The following PHF19 variants were observed in gnomAD, a reference collection of about 807,000 sequenced individuals.
PHF19 encodes polycomb like 3.
PHF19 carries 21 observed loss-of-function variants against 79.8 expected under a neutral mutation model. The observed-to-expected ratio is 0.26, with a 90% CI of 0.19 to 0.38. The LOEUF is 0.38. Among genes scored for constraint, PHF19 ranks in the 10% least tolerant of loss-of-function variants. The probability of loss-of-function intolerance (pLI) is 1.00; values close to 1 mark genes in which losing one functional copy is unlikely to be tolerated. For synonymous variants in PHF19, 273 were observed against 296.3 expected (o/e 0.92, Z 0.81); for missense variants, 445 against 744.2 (o/e 0.60, Z 4.68).
At chr9:120,881,910 C>T (rs2046191699), upstream of PHF19, among the ~76,000 whole-genome samples, 1 of 152,140 alleles carries the variant, frequency 6.6e-6, no homozygotes, top group East Asian at 1.9e-4. Flanking sequence ...TCCAGGTGCA[C>T]GCTATCACGC....
At chr9:120,873,627 C>G (rs747581510) in intron 3 of PHF19, among the ~76,000 whole-genome samples, 8 of 152,264 alleles carry the variant, frequency 5.3e-5, no homozygotes, top group Non-Finnish European at 1.2e-4. Flanking sequence ...GCCCCCTTTT[C>G]TAGCCCAGAC....
chr9:120,868,161 T>A (rs1188369784), intron 6 of PHF19: 2 of 152,306 alleles, frequency 1.3e-5, no homozygotes, highest in African/African-American at 4.8e-5. Context: ...AGCCTCCATC[T>A]CCCAAGCTCA....
rs970099182 is a variant in PHF19, at chr9:120,866,001, T to C, written c.779+27A>G. On this transcript the variant is annotated intron_variant, in intron 8 of 14. Transcript: ENST00000373896. The surrounding 1 kb of genome is among the most constrained non-coding windows in gnomAD (Gnocchi z 5.2). ...GGGGAGAAGCTGGGAGGAGCAGCGG[T>C]GGTTGGACTAAGCCCCACCCTCTCA... 2.5e-6 allele frequency: 4 copies of C among 1,593,802 alleles called. No homozygotes were observed. In the African/African-American group the frequency reaches 5.4e-5, roughly 21 times the overall value.
chr9:120,879,769 G>A (rs1385177982), upstream of PHF19, among the ~76,000 whole-genome samples: 1 of 152,210 alleles, frequency 6.6e-6, no homozygotes, highest in African/African-American at 2.4e-5. Flanking sequence ...AAATAGGGAG[G>A]TGGGTGTGCC....
chr9:120,898,339 AC>A (rs2046418183), upstream of PHF19, among the ~76,000 whole-genome samples: 1 of 152,078 alleles, frequency 6.6e-6, no homozygotes, highest in Non-Finnish European at 1.5e-5. Flanking sequence ...CTGGTCTCGA[AC>A]TCCTGACCTC....
chr9:120,869,029 T>G lies in PHF19; in HGVS notation c.614+153A>C. ...GCGGCTGACACTCCAGGCCCGCCCC[T>G]CGAGGCCCCGCCCCCACAGCGCAAC... On this transcript the variant is annotated intron_variant, in intron 6 of 14. Coordinates refer to ENST00000373896, the MANE Select transcript of PHF19 (RefSeq NM_015651.3). This position sits in a 1 kb window ranked among gnomAD's most constrained non-coding sequence, Gnocchi z 5.8. 2 of 216,322 alleles carry G rather than the reference T, an allele frequency of 9.2e-6. No individual in the cohort carries two copies. The highest frequency in any genetic ancestry group is 5.5e-6 in the Non-Finnish European group (1 of 180,878). The allele number at this position is 216,322 out of a possible 1,614,324, so 13.4% of individuals were successfully genotyped here. A position where few individuals can be genotyped will look rare whatever the true frequency, so the allele number is the denominator to read the frequency against.
At chr9:120,888,136 A>T (rs1173496534) in intron 1 of PHF19, among the ~76,000 whole-genome samples, 1 of 152,088 alleles carries the variant, frequency 6.6e-6, no homozygotes, top group Non-Finnish European at 1.5e-5. Context: ...CCACTCCTGG[A>T]TAATTTTTGT....
At chr9:120,879,923 G>A (rs1013301205), upstream of PHF19, among the ~76,000 whole-genome samples, 1 of 151,908 alleles carries the variant, frequency 6.6e-6, no homozygotes, top group Admixed American at 6.6e-5. Context: ...TATTGGCCAC[G>A]TGAGAGACGC....
At position 120,861,943 on chromosome 9, in the gene PHF19, A is replaced by G; in HGVS notation, c.1193T>C (p.Phe398Ser). 1 of 1,612,952 alleles carries G rather than the reference A, an allele frequency of 6.2e-7. No individual in the cohort carries two copies. The highest frequency in any genetic ancestry group is 8.5e-7 in the Non-Finnish European group (1 of 1,178,914). ...RRVYRRKRSK[F>S]LLEDAIPSSD... ...ACTGGGAATAGCATCTTCCAGCAAA[A>G]ACTTTGATCTTTTTCTTCTATAAAC... Residue 398 changes from phenylalanine (F) to serine (S), a missense_variant, in exon 12 of 15, where the codon TTT becomes TCT. This residue lies in a region of PHF19 where 83 missense variants were observed against 85.5 expected (regional missense o/e 0.97). Transcript: ENST00000373896.
intron 1 of PHF19, among the ~76,000 whole-genome samples, chr9:120,885,951 TC>T (rs2046257005): frequency 6.6e-6 from 1 of 152,182 alleles, no homozygotes; most frequent in Admixed American, 6.5e-5. Context: ...TAATCTTCAC[TC>T]TTTTACAGCT....
At chr9:120,896,825 G>A (rs1170295587), upstream of PHF19, among the ~76,000 whole-genome samples, 1 of 152,200 alleles carries the variant, frequency 6.6e-6, no homozygotes, top group East Asian at 1.9e-4. Context: ...CTGAAATGAA[G>A]TTTCATCTAC....
At chr9:120,887,620 A>AC (rs1491330260) in intron 1 of PHF19, among the ~76,000 whole-genome samples, 1 of 112,134 alleles carries the variant, frequency 8.9e-6, no homozygotes, top group African/African-American at 3.7e-5. Flanking sequence ...GTTTATGAAC[A>AC]AACACACACA....
At chr9:120,875,439 T>TCCGG (rs2046019505) in intron 1 of PHF19, among the ~76,000 whole-genome samples, 1 of 152,160 alleles carries the variant, frequency 6.6e-6, no homozygotes, top group Non-Finnish European at 1.5e-5. Context: ...TCTCTCACCA[T>TCCGG]CCTATTCAAC....
chr9:120,870,403 T>C lies in PHF19; in HGVS notation c.364+40A>G, dbSNP rs201104719. ...TCAGGGGCCAGTGCGTGGGGACCTA[T>C]AGGTCGGGGCCTTCTCAGGGCCCTG... On this transcript the variant is annotated intron_variant, in intron 4 of 14. Transcript: ENST00000373896. This position sits in a 1 kb window ranked among gnomAD's most constrained non-coding sequence, Gnocchi z 4.4. 2.4e-5 allele frequency: 31 copies of C among 1,280,596 alleles called. No individual in the cohort carries two copies. The highest frequency in any genetic ancestry group is 3.2e-5 in the Non-Finnish European group (28 of 876,988). The allele number at this position is 1,280,596 out of a possible 1,614,324, so 79.3% of individuals were successfully genotyped here. A position where few individuals can be genotyped will look rare whatever the true frequency, so the allele number is the denominator to read the frequency against.
chr9:120,869,395 G>C lies in PHF19; in HGVS notation c.466-65C>G. 1 of 1,546,364 alleles carries C rather than the reference G, an allele frequency of 6.5e-7. No homozygotes were observed. The highest frequency in any genetic ancestry group is 8.8e-7 in the Non-Finnish European group (1 of 1,139,244). On this transcript the variant is annotated intron_variant, in intron 5 of 14. Transcript: ENST00000373896. This position sits in a 1 kb window ranked among gnomAD's most constrained non-coding sequence, Gnocchi z 5.8. Reference sequence around the variant, plus strand: ...GGTGGACCACGCGAGTCAGCACGCGGCTGTCTATTGAGGGAAGTGCTGCCA... The same window carrying C: ...GGTGGACCACGCGAGTCAGCACGCGCCTGTCTATTGAGGGAAGTGCTGCCA...
At chr9:120,878,415 C>T (rs1284033445), upstream of PHF19, among the ~76,000 whole-genome samples, 1 of 152,108 alleles carries the variant, frequency 6.6e-6, no homozygotes. Context: ...CCCATCCTTG[C>T]CCTCAGTCCA....
At chr9:120,894,626 G>C (rs1422758979) in intron 1 of PHF19, among the ~76,000 whole-genome samples, 1 of 151,778 alleles carries the variant, frequency 6.6e-6, no homozygotes, top group Non-Finnish European at 1.5e-5. Context: ...GGCCGGGCGC[G>C]GGCCAGGAGC....
Position 120,870,574 on chromosome 9 carries a change from A to C in PHF19, c.269-36T>G. 7 of 1,245,406 alleles carry C rather than the reference A, an allele frequency of 5.6e-6. No homozygotes were observed. The highest frequency in any genetic ancestry group is 7.1e-6 in the Non-Finnish European group (6 of 843,490). The allele number at this position is 1,245,406 out of a possible 1,614,324, so 77.1% of individuals were successfully genotyped here. Reference sequence around the variant, plus strand: ...GGGCCTCGAGGGTCGGGTCCAGCTCACAGGAATGGAAGTTTTATACTCACA... The same window carrying C: ...GGGCCTCGAGGGTCGGGTCCAGCTCCCAGGAATGGAAGTTTTATACTCACA... On this transcript the variant is annotated intron_variant, in intron 3 of 14. Coordinates refer to ENST00000373896, the MANE Select transcript of PHF19 (RefSeq NM_015651.3). The surrounding 1 kb of genome is among the most constrained non-coding windows in gnomAD (Gnocchi z 4.4).
At position 120,857,690 on chromosome 9, in the gene PHF19, G is replaced by A. The variant is rs777457534; in HGVS notation, c.*254C>T. On this transcript the variant is annotated 3_prime_UTR_variant, in exon 15 of 15. Transcript: ENST00000373896. ...CACAAGGTCAGAGAACAGATAAACA[G>A]AGTTTGAGGGGGTGTGGAGTGTGTA... 2 of 418,944 alleles carry A rather than the reference G, an allele frequency of 4.8e-6. 1 individual carries two copies. Among genetic ancestry groups the A allele is most frequent in the African/African-American group, 4.1e-5 (2 of 49,236 alleles). The allele number at this position is 418,944 out of a possible 1,614,324, so 26.0% of individuals were successfully genotyped here.
Sources: allele counts gnomAD v4.1 joint callset (sites outside exome capture counted in the v4.1 genomes callset), GRCh38; gene constraint gnomAD v4.1.1; regional missense constraint gnomAD v4.1.1; non-coding constraint Gnocchi (gnomAD v3.1); transcripts MANE v1.5; gene names NCBI Gene and HGNC (gene_info 2026-07-23, HGNC 2026-07-21).